BUD23: variants seen among roughly 807,000 people sequenced by gnomAD.
The protein encoded by BUD23 is 18S rRNA (guanine-N(7))-methyltransferase.
In BUD23, 34 loss-of-function variants were observed where a neutral mutation model predicts 47.0. The observed-to-expected ratio is 0.72, with a 90% CI of 0.55 to 0.96. BUD23 has a LOEUF of 0.96. Ranked by LOEUF, BUD23 falls within the 40% of genes least tolerant of loss-of-function variation. The pLI is 0.00. For synonymous variants in BUD23, 124 were observed against 132.0 expected (o/e 0.94, Z 0.41); for missense variants, 343 against 361.2 (o/e 0.95, Z 0.41).
At chr7:73,690,786 T>C in intron 5 of BUD23, 130 bp from the exon 6 acceptor site, 2 of 721,664 alleles carry the variant, frequency 2.8e-6, no homozygotes, top group Non-Finnish European at 4.7e-6. Flanking sequence ...ACCTGCACTT[T>C]CTAAGAAGGG....
In BUD23 at chr7:73,684,616, A is replaced by AGG. The variant is rs1554612511; in HGVS notation, c.86+812_86+813insGG. Among the ~76,000 whole-genome samples, 373 of 57,654 alleles carry AGG rather than the reference A, an allele frequency of 6.5e-3. 5 individuals carry two copies. The highest frequency in any genetic ancestry group is 0.021 in the African/African-American group (336 of 16,120). 37.8% of individuals were successfully genotyped at this position (57,654 alleles called of 152,430 possible). A position where few individuals can be genotyped will look rare whatever the true frequency, so the allele number is the denominator to read the frequency against. On this transcript the variant is annotated intron_variant, in intron 2 of 11. Transcript: ENST00000265758. ...ACCTCGAGTCGTTAAAAAAAAAAAA[A>AGG]AGGGGGGGGGATGGGGGCGGGGGGA...
chr7:73,697,928 T>C lies in BUD23; in HGVS notation c.*42T>C, dbSNP rs1798494664. The stretch of plus-strand genomic sequence containing the variant: ...GGAAAGGCACTTGCCTCTGCACTTT[T>C]CTATATTGTTCAGCTGACAAAGTAG... On this transcript the variant is annotated 3_prime_UTR_variant, in exon 12 of 12. Transcript: ENST00000265758. The C allele has an allele frequency of 6.4e-7, 1 of 1,572,766 alleles. No homozygotes were observed. The highest frequency in any genetic ancestry group is 1.4e-5 in the African/African-American group (1 of 72,542).
At chr7:73,688,751 G>C (rs1433552362) in intron 5 of BUD23, among the ~76,000 whole-genome samples, 1 of 152,180 alleles carries the variant, frequency 6.6e-6, no homozygotes. Context: ...AATAGGGGAG[G>C]AAGTTACAAA....
Position 73,687,075 on chromosome 7 carries a change from C to A in BUD23, c.342C>A (p.Gly114=). 6.2e-7 allele frequency: 1 copy of A among 1,613,782 alleles called. No individual in the cohort carries two copies. The highest frequency in any genetic ancestry group is 2.2e-5 in the East Asian group (1 of 44,888). ...GCCAGGGCATCCCATTCAAGCCAGG[C>A]ACATTTGATGGTTGCATCAGGTGAG... ...DMGQGIPFKP[G]TFDGCISISA... is the part of the protein sequence containing the mutation. Residue 114 remains glycine (G), a synonymous_variant, in exon 5 of 12, where the codon GGC becomes GGA. Coordinates refer to ENST00000265758, the MANE Select transcript of BUD23 (RefSeq NM_017528.5).
intron 2 of BUD23, among the ~76,000 whole-genome samples, chr7:73,684,603 TAA>T (rs75702804): frequency 7.8e-5 from 5 of 63,858 alleles, no homozygotes; most frequent in African/African-American, 1.5e-4. Flanking sequence ...CTCGAGTCGT[TAA>T]AAAAAAAAAA....
chr7:73,693,294 C>G, intron 7 of BUD23, 35 bp from the exon 8 acceptor site: 1 of 1,591,434 alleles, frequency 6.3e-7, no homozygotes, highest in Non-Finnish European at 8.6e-7. Flanking sequence ...TCCTCTCAAC[C>G]TCCGCTGCCT....
At chr7:73,685,139 C>G (rs1554612748) in intron 2 of BUD23, among the ~76,000 whole-genome samples, 1 of 151,550 alleles carries the variant, frequency 6.6e-6, no homozygotes, top group African/African-American at 2.4e-5. Context: ...GAAATCCCGT[C>G]TCTACTGAAA....
chr7:73,697,464 A>G, intron 10 of BUD23, 141 bp from the exon 11 acceptor site: 2 of 1,545,190 alleles, frequency 1.3e-6, no homozygotes, highest in Non-Finnish European at 1.7e-6. Context: ...ATTGTGTTAT[A>G]GGGAAGGTGG....
chr7:73,696,101 A>G (rs1273255145), intron 10 of BUD23: 3 of 152,366 alleles, frequency 2.0e-5, no homozygotes, highest in East Asian at 1.9e-4. Context: ...TCCAGTTGAC[A>G]TGAGGGAAAG....
intron 10 of BUD23, chr7:73,695,821 G>C (rs1176987755): frequency 1.3e-5 from 2 of 152,166 alleles, no homozygotes; most frequent in African/African-American, 4.8e-5. Flanking sequence ...TAAAATGTAA[G>C]TTGTATCTTG....
intron 5 of BUD23, among the ~76,000 whole-genome samples, chr7:73,688,691 GTGATCAGTTCTGT>G (rs2116681046): frequency 6.6e-6 from 1 of 152,320 alleles, no homozygotes; most frequent in South Asian, 2.1e-4. Context: ...TTAGGCTGCT[GTGATCAGTTCTGT>G]TTAGTTTTTG....
At chr7:73,686,044 C>T (rs574196146) in intron 2 of BUD23, among the ~76,000 whole-genome samples, 122 of 151,186 alleles carry the variant, frequency 8.1e-4, no homozygotes, top group Non-Finnish European at 1.1e-3. Flanking sequence ...TGCAGTGAGC[C>T]GAGATCGCGC....
chr7:73,693,896 G>T, intron 9 of BUD23, 96 bp from the exon 10 acceptor site: 2 of 1,505,210 alleles, frequency 1.3e-6, no homozygotes, highest in Non-Finnish European at 1.8e-6. Flanking sequence ...CCTCGTCCCT[G>T]TCGGAAGGGT....
intron 2 of BUD23, among the ~76,000 whole-genome samples, chr7:73,684,922 TCA>T (rs1797895285): frequency 2.5e-5 from 1 of 40,248 alleles, no homozygotes; most frequent in African/African-American, 1.5e-4. Context: ...AGACTTTGTT[TCA>T]AAAAAAAAAA....
chr7:73,692,679 G>T, intron 7 of BUD23, 33 bp downstream of exon 7: 1 of 1,602,434 alleles, frequency 6.2e-7, no homozygotes, highest in Non-Finnish European at 8.5e-7. Context: ...GTGCCGGGGA[G>T]TTGGGGGACT....
Position 73,690,959 on chromosome 7 carries a change from G to A in BUD23, c.406G>A (p.Glu136Lys). Residue 136 changes from glutamate (E) to lysine (K), a missense_variant, in exon 6 of 12, where the codon GAA (glutamate) becomes AAA (lysine). By Grantham distance (56) the Glu-to-Lys change is moderately conservative. Transcript: ENST00000265758. ...QWLCNANKKSENPAKRLYCFF... is the reference protein window; with the variant it reads ...QWLCNANKKSKNPAKRLYCFF... ...GCTCTGTAATGCTAACAAGAAGTCT[G>A]AAAACCCTGCCAAGCGCCTGTACTG... 1 of 1,614,180 alleles carries A rather than the reference G, an allele frequency of 6.2e-7. No homozygotes were observed. The highest frequency in any genetic ancestry group is 8.5e-7 in the Non-Finnish European group (1 of 1,180,036).
intron 5 of BUD23, among the ~76,000 whole-genome samples, chr7:73,689,082 C>G (rs1307132579): frequency 6.6e-6 from 1 of 152,180 alleles, no homozygotes; most frequent in Non-Finnish European, 1.5e-5. Flanking sequence ...CGGATTCTTA[C>G]TGTATTGTCC....
In BUD23 at chr7:73,683,652, G is replaced by A. The variant is rs1554612071; in HGVS notation, c.27G>A (p.Glu9=). 1 of 1,612,888 alleles carries A rather than the reference G, an allele frequency of 6.2e-7. No homozygotes were observed. The highest frequency in any genetic ancestry group is 1.3e-5 in the African/African-American group (1 of 75,062). ...TGGCGTCCCGCGGCCGGCGTCCGGA[G>A]CATGGCGGACCCCCAGAGCTGGTAA... The part of the protein sequence containing the change: MASRGRRP[E]HGGPPELFYD... The change falls in exon 1 of 12, where the codon GAG becomes GAA. Residue 9 remains glutamate (E), a synonymous_variant. Coordinates refer to ENST00000265758, the MANE Select transcript of BUD23 (RefSeq NM_017528.5).
At chr7:73,695,547 C>A (rs1798371850) in intron 10 of BUD23, 1 of 152,254 alleles carries the variant, frequency 6.6e-6, no homozygotes, top group Non-Finnish European at 1.5e-5. Context: ...CTGCGCCTGG[C>A]CTCATCCTCC....
Sources: gnomAD v4.1 joint callset for allele counts (sites outside exome capture counted in the v4.1 genomes callset) on GRCh38, gnomAD v4.1.1 for gene constraint, MANE v1.5 for transcripts, NCBI Gene and HGNC (gene_info 2026-07-23, HGNC 2026-07-21) for gene names.